Variants in TP53I13 observed in about 807,000 individuals in gnomAD.
TP53I13 encodes the protein tumor protein p53 inducible protein 13.
In TP53I13, 27 loss-of-function variants were observed where a neutral mutation model predicts 39.1. The ratio of observed to expected loss-of-function variants is 0.69; its 90% CI spans 0.51 to 0.95. The LOEUF (loss-of-function observed/expected upper bound fraction) is 0.95, where lower values mean the gene tolerates loss of function less well. TP53I13 is among the 40% of genes least tolerant of loss of function. TP53I13 has a pLI of 0.00. For synonymous variants in TP53I13, 230 were observed against 224.6 expected (o/e 1.02, Z -0.22); for missense variants, 544 against 520.4 (o/e 1.05, Z -0.44).
chr17:29,572,864 C>A lies in TP53I13; in HGVS notation c.1122C>A (p.Arg374=). The change falls in exon 7 of 7, where the codon CGC becomes CGA. Residue 374 remains arginine, a synonymous_variant. Coordinates refer to ENST00000301057, the MANE Select transcript of TP53I13 (RefSeq NM_138349.4). ...CCTCGCGCCGGGTCAAGCGCTCGCG[C>A]CGGAGACCCCTCCTCCCGCCCACGC... The part of the protein sequence containing the change: ...LQPSRRVKRS[R]RRPLLPPTPD... 1 of 1,523,350 alleles carries A rather than the reference C, an allele frequency of 6.6e-7. No homozygotes were observed. The highest frequency in any genetic ancestry group is 8.8e-7 in the Non-Finnish European group (1 of 1,142,448). 94.4% of individuals were successfully genotyped at this position (1,523,350 alleles called of 1,614,324 possible). A position where few individuals can be genotyped will look rare whatever the true frequency, so the allele number is the denominator to read the frequency against.
At chr17:29,575,796 G>C (rs1226530703), downstream of TP53I13, 2 of 1,612,444 alleles carry the variant, frequency 1.2e-6, no homozygotes, top group Non-Finnish European at 1.7e-6. This position sits in a 1 kb window ranked among gnomAD's most constrained non-coding sequence, Gnocchi z 5.5. Context: ...GTGGGCACTG[G>C]GCATGGAAAC....
At chr17:29,578,983 C>T in the TP53I13 span, 14 of 1,613,930 alleles carry the variant, frequency 8.7e-6, no homozygotes, top group East Asian at 2.0e-4. Flanking sequence ...GCACTTTTGC[C>T]GAGATCTAAG....
chr17:29,577,653 G>A, downstream of TP53I13: 3 of 1,601,602 alleles, frequency 1.9e-6, no homozygotes, highest in East Asian at 2.2e-5. Context: ...ACCTGATTCC[G>A]CGTGGCTGAG....
the TP53I13 span, chr17:29,581,025 C>T: frequency 2.6e-4 from 95 of 359,748 alleles, no homozygotes; most frequent in African/African-American, 1.6e-3. This position sits in a 1 kb window ranked among gnomAD's most constrained non-coding sequence, Gnocchi z 4.8. Context: ...GTGATCCGCC[C>T]GCCTCGGCCT....
upstream of TP53I13, chr17:29,566,323 A>C (rs752528705): frequency 9.3e-6 from 15 of 1,611,382 alleles, no homozygotes; most frequent in South Asian, 1.6e-4. Flanking sequence ...CGCCTCCTTG[A>C]GGTCGGACGG....
At chr17:29,577,772 C>T (rs1274263823), downstream of TP53I13, 11 of 1,399,430 alleles carry the variant, frequency 7.9e-6, no homozygotes, top group South Asian at 2.3e-5. Context: ...GCAGATCAGC[C>T]ACGGTGGCCA....
At position 29,568,844 on chromosome 17, in the gene TP53I13, C is replaced by A. The variant is rs1292049280; in HGVS notation, c.72+14C>A. On this transcript the variant is annotated intron_variant, in intron 1 of 6. Coordinates refer to ENST00000301057, the MANE Select transcript of TP53I13 (RefSeq NM_138349.4). This position sits in a 1 kb window ranked among gnomAD's most constrained non-coding sequence, Gnocchi z 4.5. ...GGTCCCAGCGAGGTAAGGTGACCCG[C>A]TCCTGGGAAGGCCTCGGCCCGCGAG... 3 of 1,599,974 alleles carry A rather than the reference C, an allele frequency of 1.9e-6. No individual in the cohort carries two copies. The African/African-American group carries it at 4.0e-5, about 21-fold the overall frequency.
chr17:29,573,102 G>T lies in TP53I13; in HGVS notation c.*178G>T. 1 of 454,034 alleles carries T rather than the reference G, an allele frequency of 2.2e-6. No homozygotes were observed. Among genetic ancestry groups the T allele is most frequent in the East Asian group, 3.7e-5 (1 of 26,972 alleles). 28.1% of individuals were successfully genotyped at this position (454,034 alleles called of 1,614,324 possible). ...GTGGGCGGCCAAGGGGAGAAAAGGAGCCGCTTCTGCCTCCCTTGCCAAAAC... is the reference window on the plus strand; with the variant it reads ...GTGGGCGGCCAAGGGGAGAAAAGGATCCGCTTCTGCCTCCCTTGCCAAAAC... On this transcript the variant is annotated 3_prime_UTR_variant, in exon 7 of 7. Transcript: ENST00000301057.
the TP53I13 span, chr17:29,581,558 A>G: frequency 1.4e-6 from 1 of 699,472 alleles, no homozygotes; most frequent in Admixed American, 2.1e-5. The surrounding 1 kb of genome is among the most constrained non-coding windows in gnomAD (Gnocchi z 4.8). Context: ...GCCCACCCCC[A>G]CTCCCTAGCC....
At chr17:29,580,078 C>G in the TP53I13 span, among the ~76,000 whole-genome samples, 1 of 152,306 alleles carries the variant, frequency 6.6e-6, no homozygotes, top group South Asian at 2.1e-4. Context: ...CTCTGCCTCT[C>G]TTGCTGCACT....
At chr17:29,566,396 A>G (rs1320146842), upstream of TP53I13, 2 of 1,611,632 alleles carry the variant, frequency 1.2e-6, no homozygotes, top group Non-Finnish European at 1.7e-6. Context: ...CGGCGATGGA[A>G]GATGACCGGG....
chr17:29,581,513 C>T, the TP53I13 span: 4 of 788,212 alleles, frequency 5.1e-6, no homozygotes, highest in Non-Finnish European at 8.8e-6. This position sits in a 1 kb window ranked among gnomAD's most constrained non-coding sequence, Gnocchi z 4.8. Context: ...AGGCCACCCC[C>T]AAGAATGCTG....
Position 29,568,920 on chromosome 17 carries a change from G to C in TP53I13, c.72+90G>C. ...TCCTGGAAGGAGTGGCGCGCCGAGG[G>C]GGACGCGGAGTTCTTCCGCTGGCGG... On this transcript the variant is annotated intron_variant, in intron 1 of 6. Transcript: ENST00000301057. The surrounding 1 kb of genome is among the most constrained non-coding windows in gnomAD (Gnocchi z 4.5). The C allele has an allele frequency of 1.3e-6, 2 of 1,596,396 alleles. No homozygotes were observed. Among genetic ancestry groups the C allele is most frequent in the Non-Finnish European group, 1.7e-6 (2 of 1,174,352 alleles).
chr17:29,578,172 G>C, the TP53I13 span: 1 of 778,134 alleles, frequency 1.3e-6, no homozygotes, highest in Non-Finnish European at 2.2e-6. Context: ...CAGCCAGCAG[G>C]GGCTCATCTG....
upstream of TP53I13, chr17:29,566,777 C>A (rs947251718): frequency 6.6e-6 from 10 of 1,514,210 alleles, no homozygotes; most frequent in Admixed American, 2.0e-5. Context: ...GGCAGTGGCT[C>A]GCGCCCGTCG....
At chr17:29,577,003 A>G (rs1259579134), downstream of TP53I13, 2 of 1,603,902 alleles carry the variant, frequency 1.2e-6, no homozygotes, top group Non-Finnish European at 1.7e-6. Flanking sequence ...TTGTCTGAGG[A>G]CACAGGAGTG....
the TP53I13 span, among the ~76,000 whole-genome samples, chr17:29,579,599 C>T: frequency 2.0e-5 from 3 of 151,960 alleles, no homozygotes; most frequent in African/African-American, 4.8e-5. Context: ...TAGCTGAGCA[C>T]GGTGGCATGT....
At chr17:29,577,310 G>A (rs1489134958), downstream of TP53I13, 3 of 1,240,348 alleles carry the variant, frequency 2.4e-6, no homozygotes, top group African/African-American at 4.4e-5. Flanking sequence ...CAGGACGGCA[G>A]GGACCAAGTA....
At chr17:29,569,288 C>A in intron 2 of TP53I13, 30 bp from the exon 3 acceptor site, 1 of 1,612,456 alleles carries the variant, frequency 6.2e-7, no homozygotes, top group Admixed American at 1.7e-5. Context: ...CCCCCAACTG[C>A]CCTAAGCTCT....
Sources: allele counts gnomAD v4.1 joint callset (sites outside exome capture counted in the v4.1 genomes callset), GRCh38; gene constraint gnomAD v4.1.1; non-coding constraint Gnocchi (gnomAD v3.1); transcripts MANE v1.5; gene names NCBI Gene and HGNC (gene_info 2026-07-23, HGNC 2026-07-21).